The following COPS4 variants were observed in gnomAD, a reference collection of about 807,000 sequenced individuals.
COPS4 encodes the protein COP9 signalosome subunit 4.
In COPS4, 8 loss-of-function variants were observed where a neutral mutation model predicts 55.1. The ratio of observed to expected loss-of-function variants is 0.15; its 90% confidence interval spans 0.09 to 0.26. The LOEUF (loss-of-function observed/expected upper bound fraction) is 0.26. Among genes scored for constraint, COPS4 ranks in the 10% least tolerant of loss-of-function variants. The pLI is 1.00. For missense variants in COPS4, 248 were observed against 484.0 expected (o/e 0.51, Z 4.58); for synonymous variants, 185 against 165.7 (o/e 1.12, Z -0.90).
At chr4:83,059,131 T>C (rs1405652945) in intron 6 of COPS4, among the ~76,000 whole-genome samples, 1 of 152,216 alleles carries the variant, frequency 6.6e-6, no homozygotes, top group Non-Finnish European at 1.5e-5. Context: ...TTTTGAGTTG[T>C]TTGTCCTTTC....
At chr4:83,049,543 C>T (rs1394347583) in intron 3 of COPS4, 4 of 502,122 alleles carry the variant, frequency 8.0e-6, no homozygotes, top group Non-Finnish European at 1.4e-5. Flanking sequence ...AAATATTGCT[C>T]TCTAGACAAT....
At chr4:83,070,785 AAAG>A (rs1731406504) in intron 9 of COPS4, among the ~76,000 whole-genome samples, 1 of 152,232 alleles carries the variant, frequency 6.6e-6, no homozygotes, top group South Asian at 2.1e-4. Flanking sequence ...CAAGCATAAA[AAAG>A]AAATAAACAA....
In COPS4 at chr4:83,053,839, C is replaced by CAAAA. The variant is rs55904890; in HGVS notation, c.411-3077_411-3074dup. 2.3e-5 allele frequency among the ~76,000 whole-genome samples: 2 copies of CAAAA among 86,564 alleles called. 1 individual carries two copies. Among genetic ancestry groups the CAAAA allele is most frequent in the Non-Finnish European group, 4.2e-5 (2 of 47,900 alleles). The allele number at this position is 86,564 out of a possible 152,430, so 56.8% of individuals were successfully genotyped here. A position where few individuals can be genotyped will look rare whatever the true frequency, so the allele number is the denominator to read the frequency against. ...TGGGTGACAGAGTAAGACTCTGTCTCAAAAAAAAAAAAAGATGGTTTATAA... is the reference window on the plus strand; with the variant it reads ...TGGGTGACAGAGTAAGACTCTGTCTCAAAAAAAAAAAAAAAAAGATGGTTTATAA... On this transcript the variant is annotated intron_variant, in intron 4 of 9. Transcript: ENST00000264389.
intron 7 of COPS4, chr4:83,065,278 A>G (rs1731267114): frequency 4.7e-6 from 2 of 421,372 alleles, no homozygotes; most frequent in Admixed American, 8.4e-5. Context: ...AGGGAGATTT[A>G]GATTAGAGAT....
intron 7 of COPS4, among the ~76,000 whole-genome samples, chr4:83,064,766 C>A (rs1245862372): frequency 6.6e-6 from 1 of 150,998 alleles, no homozygotes; most frequent in African/African-American, 2.4e-5. Context: ...CACTGTGTTG[C>A]CCAGGCTAGT....
At chr4:83,062,010 G>A (rs1030561213) in intron 6 of COPS4, among the ~76,000 whole-genome samples, 6 of 152,178 alleles carry the variant, frequency 3.9e-5, no homozygotes, top group African/African-American at 1.4e-4. Flanking sequence ...CAGTAGATAT[G>A]CTCATTGCTT....
At position 83,045,740 on chromosome 4, in the gene COPS4, T is replaced by G. The variant is rs1218316635; in HGVS notation, c.154+35T>G. On this transcript the variant is annotated intron_variant, in intron 2 of 9. Transcript: ENST00000264389. ...ATGGAAATTTCATGCTTGCCTTGTA[T>G]TACTGAGCTAGGACTTTAAAGTTCT... is the stretch of plus-strand genomic sequence containing the variant. The G allele has an allele frequency of 2.8e-6, 4 of 1,449,608 alleles. No individual in the cohort carries two copies. The South Asian group carries it at 4.6e-5, about 17-fold the overall frequency. 89.8% of individuals were successfully genotyped at this position (1,449,608 alleles called of 1,614,324 possible).
At chr4:83,070,074 C>T (rs1731383918) in intron 9 of COPS4, among the ~76,000 whole-genome samples, 1 of 152,118 alleles carries the variant, frequency 6.6e-6, no homozygotes, top group South Asian at 2.1e-4. Flanking sequence ...TCTCTCACTA[C>T]TTTTTGAACC....
At chr4:83,073,909 A>G (rs1731501655) in intron 9 of COPS4, among the ~76,000 whole-genome samples, 1 of 151,676 alleles carries the variant, frequency 6.6e-6, no homozygotes, top group Non-Finnish European at 1.5e-5. Context: ...GTGAGCTGAT[A>G]TCGCGCCACT....
At chr4:83,052,006 A>G (rs942906600) in intron 4 of COPS4, among the ~76,000 whole-genome samples, 15 of 152,204 alleles carry the variant, frequency 9.9e-5, no homozygotes, top group African/African-American at 3.6e-4. Flanking sequence ...TGATAGGTCA[A>G]GTAAGATAAG....
intron 9 of COPS4, among the ~76,000 whole-genome samples, chr4:83,072,128 A>G (rs1386888283): frequency 6.6e-6 from 1 of 151,720 alleles, no homozygotes; most frequent in Non-Finnish European, 1.5e-5. Flanking sequence ...CTTGTTGCCC[A>G]GGCTGGAGTG....
chr4:83,061,130 A>G (rs1289037686), intron 6 of COPS4, among the ~76,000 whole-genome samples: 3 of 151,548 alleles, frequency 2.0e-5, no homozygotes, highest in Admixed American at 2.0e-4. Flanking sequence ...ATTCTTCTGC[A>G]TGAACTTTTT....
At chr4:83,038,849 T>G (rs1487086617) in intron 1 of COPS4, among the ~76,000 whole-genome samples, 1 of 152,320 alleles carries the variant, frequency 6.6e-6, no homozygotes, top group South Asian at 2.1e-4. Flanking sequence ...TTCACCATGT[T>G]GGCCAGGATG....
In COPS4 at chr4:83,035,641, C is replaced by G. The variant is rs866082554; in HGVS notation, c.74+343C>G. On this transcript the variant is annotated intron_variant, in intron 1 of 9. Coordinates refer to ENST00000264389, the MANE Select transcript of COPS4 (RefSeq NM_016129.3). ...CCTGGTACCTCTTCCCATCGCTGGC[C>G]GGCCTCACACCGAATCTGGCCTCTC... The G allele has an allele frequency of 1.9e-5, 4 of 206,396 alleles. No individual in the cohort carries two copies. The South Asian group carries it at 2.0e-4, about 10-fold the overall frequency. The allele number at this position is 206,396 out of a possible 1,614,324, so 12.8% of individuals were successfully genotyped here.
rs760610241 is a variant in COPS4, at chr4:83,035,253, C to T, written c.29C>T (p.Ala10Val). The change falls in exon 1 of 10, where the codon GCC (alanine) becomes GTC (valine). Residue 10 changes from alanine to valine, a missense_variant. Coordinates refer to ENST00000264389, the MANE Select transcript of COPS4 (RefSeq NM_016129.3). Reference protein sequence around the residue: MAAAVRQDLAQLMNSSGSHK... With the variant: MAAAVRQDLVQLMNSSGSHK... The stretch of plus-strand genomic sequence containing the variant: ...GCGGCAGCCGTGCGACAGGATTTGG[C>T]CCAGCTCATGAATTCGAGCGGCTCT... 3 of 1,573,534 alleles carry T rather than the reference C, an allele frequency of 1.9e-6. No homozygotes were observed. Among genetic ancestry groups the T allele is most frequent in the Non-Finnish European group, 1.7e-6 (2 of 1,154,020 alleles).
At chr4:83,053,157 T>C (rs1730925364) in intron 4 of COPS4, among the ~76,000 whole-genome samples, 1 of 152,148 alleles carries the variant, frequency 6.6e-6, no homozygotes, top group Non-Finnish European at 1.5e-5. Context: ...TGGGAGGATC[T>C]TGTGAGCCCA....
intron 4 of COPS4, 151 bp from the exon 5 acceptor site, chr4:83,056,775 G>C (rs910670768): frequency 3.5e-6 from 2 of 570,326 alleles, no homozygotes; most frequent in Non-Finnish European, 6.0e-6. Context: ...CTCCAGCCTG[G>C]GCGACAGAGC....
intron 3 of COPS4, 68 bp from the exon 4 acceptor site, chr4:83,049,813 T>C: frequency 1.1e-6 from 1 of 917,472 alleles, no homozygotes; most frequent in Non-Finnish European, 1.6e-6. Flanking sequence ...TAGAATAACT[T>C]TCCTATTTAT....
At chr4:83,067,554 G>C (rs1210510365) in intron 8 of COPS4, among the ~76,000 whole-genome samples, 1 of 149,454 alleles carries the variant, frequency 6.7e-6, no homozygotes, top group Non-Finnish European at 1.5e-5. Flanking sequence ...TAAAGAAACA[G>C]GGTCTTGCTA....
Sources: allele counts gnomAD v4.1 joint callset (sites outside exome capture counted in the v4.1 genomes callset), GRCh38; gene constraint gnomAD v4.1.1; transcripts MANE v1.5; gene names NCBI Gene and HGNC (gene_info 2026-07-23, HGNC 2026-07-21).